The following LRRC7 variants were observed in gnomAD, a reference collection of about 807,000 sequenced individuals.
LRRC7 encodes the protein leucine rich repeat containing 7, also known as leucine-rich repeat-containing protein 7.
LRRC7 carries 23 observed loss-of-function variants against 175.7 expected under a neutral mutation model. That is an observed-to-expected ratio of 0.13 (90% confidence interval 0.09 to 0.19). The LOEUF (loss-of-function observed/expected upper bound fraction) is 0.19. Among genes scored for constraint, LRRC7 ranks in the 10% least tolerant of loss-of-function variants. The probability of loss-of-function intolerance (pLI) is 1.00; values close to 1 mark genes in which losing one functional copy is unlikely to be tolerated. For missense variants in LRRC7, 1,354 were observed against 1,904.7 expected, an observed-to-expected ratio of 0.71 and a Z score of 5.38; for synonymous variants, 685 against 680.9, an observed-to-expected ratio of 1.01 and a Z score of -0.09.
chr1:69,727,965 C>G (rs373821313), intron 2 of LRRC7, among the ~76,000 whole-genome samples: 4 of 152,068 alleles, frequency 2.6e-5, no homozygotes, highest in East Asian at 1.9e-4. Context: ...AACTTATATC[C>G]TCGTGTCAAC....
In LRRC7 at chr1:70,124,882, G is replaced by A. The variant is rs1666376752; in HGVS notation, c.*2995G>A. On this transcript the variant is annotated 3_prime_UTR_variant, in exon 27 of 27. Transcript: ENST00000651989. ...TGAGGAAGGTGTTTATATGTGATAA[G>A]TCAGTAAGATCTAATGGAGGAGACT... 6.6e-6 allele frequency among the ~76,000 whole-genome samples: 1 copy of A among 152,156 alleles called. No individual in the cohort carries two copies. Among genetic ancestry groups the A allele is most frequent in the African/African-American group, 2.4e-5 (1 of 41,448 alleles).
chr1:69,831,971 C>G (rs1288674630), intron 5 of LRRC7, among the ~76,000 whole-genome samples: 1 of 152,030 alleles, frequency 6.6e-6, no homozygotes, highest in Non-Finnish European at 1.5e-5. Context: ...TTCAAAGAAC[C>G]TATCAATGAC....
intron 4 of LRRC7, among the ~76,000 whole-genome samples, chr1:69,818,582 T>C (rs1678871228): frequency 6.6e-6 from 1 of 152,114 alleles, no homozygotes; most frequent in African/African-American, 2.4e-5. Context: ...TCTTTTTTTG[T>C]TGTTTCTTGT....
intron 7 of LRRC7, among the ~76,000 whole-genome samples, chr1:69,852,606 CTTT>C (rs1401435395): frequency 6.6e-6 from 1 of 152,052 alleles, no homozygotes; most frequent in Non-Finnish European, 1.5e-5. Context: ...GTATCTTTTG[CTTT>C]TTTAAAAATG....
At chr1:69,675,247 G>T (rs1427164040) in intron 1 of LRRC7, among the ~76,000 whole-genome samples, 1 of 152,128 alleles carries the variant, frequency 6.6e-6, no homozygotes, top group African/African-American at 2.4e-5. Flanking sequence ...GCTAACCTGA[G>T]GGTCTTGGAT....
At chr1:69,804,150 G>C (rs556115699) in intron 4 of LRRC7, among the ~76,000 whole-genome samples, 107 of 151,330 alleles carry the variant, frequency 7.1e-4, no homozygotes, top group African/African-American at 2.6e-3. Flanking sequence ...GAAATACATT[G>C]CAGACTACAT....
At chr1:69,702,303 G>T (rs188922094) in intron 2 of LRRC7, among the ~76,000 whole-genome samples, 1 of 152,140 alleles carries the variant, frequency 6.6e-6, no homozygotes, top group African/African-American at 2.4e-5. Context: ...ATCATCAAGT[G>T]CATCAGTTCT....
chr1:69,756,663 T>A (rs1334924050), intron 2 of LRRC7, among the ~76,000 whole-genome samples: 1 of 151,842 alleles, frequency 6.6e-6, no homozygotes, highest in African/African-American at 2.4e-5. Flanking sequence ...ATACACCTTT[T>A]TTGAGGTATA....
In LRRC7 at chr1:70,107,737, A is replaced by C; in HGVS notation, c.4546-15A>C. ...TGGTAATAGAATCCTAACCTCTGTT[A>C]CTTCTGACTTATAGGGTATCTTTGT... On this transcript the variant is annotated splice_polypyrimidine_tract_variant and intron_variant, in intron 25 of 26. Transcript: ENST00000651989. 1.2e-6 allele frequency: 2 copies of C among 1,606,808 alleles called. No homozygotes were observed. Among genetic ancestry groups the C allele is most frequent in the Non-Finnish European group, 1.7e-6 (2 of 1,173,656 alleles).
intron 1 of LRRC7, among the ~76,000 whole-genome samples, chr1:69,603,944 T>C (rs1392299629): frequency 6.6e-6 from 1 of 152,090 alleles, no homozygotes; most frequent in Non-Finnish European, 1.5e-5. Flanking sequence ...AGTTCTATTT[T>C]TCATTCCCAA....
rs368368381 is a variant in LRRC7, at chr1:70,049,363, C to T, written c.4111-3663C>T. ...ATGACTCAGTATCAGATAGTACCAA[C>T]ATTTGGTATGCATTTATTCACCCTA... On this transcript the variant is annotated intron_variant, in intron 22 of 26. Transcript: ENST00000651989. Among the ~76,000 whole-genome samples the T allele has an allele frequency of 2.6e-5, 4 of 152,086 alleles. No individual in the cohort carries two copies. The East Asian group carries it at 5.8e-4, about 22-fold the overall frequency.
At chr1:70,060,332 CCA>C (rs1661482855) in intron 23 of LRRC7, among the ~76,000 whole-genome samples, 1 of 151,040 alleles carries the variant, frequency 6.6e-6, no homozygotes, top group African/African-American at 2.4e-5. Flanking sequence ...CCCCACCCCC[CCA>C]AAAAAAAATC....
At chr1:69,935,869 T>G (rs1266914761) in intron 8 of LRRC7, among the ~76,000 whole-genome samples, 1 of 152,200 alleles carries the variant, frequency 6.6e-6, no homozygotes, top group Admixed American at 6.5e-5. Context: ...TTTTCTGTTT[T>G]GCTTAAGAAG....
At chr1:69,862,758 CAT>C (rs1329641104) in intron 7 of LRRC7, among the ~76,000 whole-genome samples, 2 of 151,996 alleles carry the variant, frequency 1.3e-5, no homozygotes, top group Non-Finnish European at 2.9e-5. Flanking sequence ...AGTTTTGTTA[CAT>C]AGTTATACGC....
At chr1:69,685,278 G>C (rs1660998440) in intron 2 of LRRC7, among the ~76,000 whole-genome samples, 1 of 152,002 alleles carries the variant, frequency 6.6e-6, no homozygotes, top group African/African-American at 2.4e-5. Context: ...GTTTCAATAG[G>C]GTTAAAAGTC....
At chr1:69,917,643 A>G (rs995937993) in intron 7 of LRRC7, among the ~76,000 whole-genome samples, 10 of 152,158 alleles carry the variant, frequency 6.6e-5, no homozygotes, top group African/African-American at 2.4e-4. Context: ...AGTGCACAAG[A>G]TAGTCCCCCA....
intron 8 of LRRC7, among the ~76,000 whole-genome samples, chr1:69,933,304 G>A (rs985710429): frequency 2.6e-5 from 4 of 152,140 alleles, no homozygotes; most frequent in Non-Finnish European, 2.9e-5. Flanking sequence ...AGATATTAAG[G>A]CAAGAGTACC....
At chr1:69,939,007 ATATATATC>A (rs1431155783) in intron 8 of LRRC7, among the ~76,000 whole-genome samples, 1 of 96,816 alleles carries the variant, frequency 1.0e-5, no homozygotes, top group African/African-American at 3.6e-5. Flanking sequence ...ATATATATAT[ATATATATC>A]TATATATATA....
chr1:69,764,717 GTAGATAGATAGACAGA>G (rs1483164309), intron 3 of LRRC7, among the ~76,000 whole-genome samples: 19 of 122,500 alleles, frequency 1.6e-4, no homozygotes, highest in Middle Eastern at 4.1e-3. Flanking sequence ...AGATAGGTAG[GTAGATAGATAGACAGA>G]TAGATAGATA....
Sources: gnomAD v4.1 joint callset for allele counts (sites outside exome capture counted in the v4.1 genomes callset) on GRCh38, gnomAD v4.1.1 for gene constraint, MANE v1.5 for transcripts, NCBI Gene and HGNC (gene_info 2026-07-23, HGNC 2026-07-21) for gene names.